EFCAB13: variants seen among roughly 807,000 people sequenced by gnomAD.
EFCAB13 encodes the protein EF-hand calcium binding domain 13.
In EFCAB13, 91 loss-of-function variants were observed where a neutral mutation model predicts 110.2. The ratio of observed to expected loss-of-function variants is 0.83; its 90% CI spans 0.70 to 0.98. The LOEUF (loss-of-function observed/expected upper bound fraction) is 0.98. Among genes scored for constraint, EFCAB13 ranks in the 50% least tolerant of loss-of-function variants. The pLI is 0.00. For synonymous variants in EFCAB13, 323 were observed against 369.9 expected, an observed-to-expected ratio of 0.87 and a Z score of 1.45; for missense variants, 968 against 1,119.4, an observed-to-expected ratio of 0.86 and a Z score of 1.93.
In EFCAB13 at chr17:47,369,347, T is replaced by C. The variant is rs16941932; in HGVS notation, c.806-1090T>C. Among the ~76,000 whole-genome samples the C allele has an allele frequency of 4.6e-5, 7 of 152,332 alleles. No individual in the cohort carries two copies. The East Asian group carries it at 1.2e-3, about 25-fold the overall frequency. ...ATTTATATTTTTCAATTGTGTATTT[T>C]TTTCCAAGGCGAGGAAACCATTGGC... On this transcript the variant is annotated intron_variant, in intron 10 of 24. Transcript: ENST00000331493.
intron 15 of EFCAB13, among the ~76,000 whole-genome samples, chr17:47,393,334 A>G (rs72825692): frequency 0.088 from 13,365 of 152,242 alleles, 846 homozygotes; most frequent in East Asian, 0.35. Context: ...ATCTTGTAAC[A>G]TTTGCATATC....
In EFCAB13 at chr17:47,411,667, T is replaced by C. The variant is rs532960782; in HGVS notation, c.2279-1106T>C. Among the ~76,000 whole-genome samples, 12 of 152,320 alleles carry C rather than the reference T, an allele frequency of 7.9e-5. No individual in the cohort carries two copies. The South Asian group carries it at 2.3e-3, about 29-fold the overall frequency. ...GAATGAATGTAGGTCTAAGATGATA[T>C]TATGGTGTTCTTTCCAAGTGATCTC... On this transcript the variant is annotated intron_variant, in intron 21 of 24. Transcript: ENST00000331493.
At chr17:47,355,219 G>T (rs1259599602) in intron 9 of EFCAB13, among the ~76,000 whole-genome samples, 2 of 152,158 alleles carry the variant, frequency 1.3e-5, no homozygotes, top group Non-Finnish European at 2.9e-5. Context: ...ATCCTTTCTA[G>T]CTTGTAGGGT....
chr17:47,379,620 T>C (rs1265841387), intron 14 of EFCAB13, among the ~76,000 whole-genome samples: 1 of 152,044 alleles, frequency 6.6e-6, no homozygotes, highest in Non-Finnish European at 1.5e-5. Context: ...TCACCTTTGA[T>C]TTAGAACTTT....
At chr17:47,423,911 C>T (rs1439094876) in intron 23 of EFCAB13, among the ~76,000 whole-genome samples, 5 of 151,986 alleles carry the variant, frequency 3.3e-5, no homozygotes, top group Admixed American at 1.3e-4. Context: ...GCTGCTGTTC[C>T]TGGGCGGCCC....
At chr17:47,401,394 A>G (rs2065777874) in intron 17 of EFCAB13, among the ~76,000 whole-genome samples, 1 of 152,218 alleles carries the variant, frequency 6.6e-6, no homozygotes, top group East Asian at 1.9e-4. Flanking sequence ...GTAATCTAGT[A>G]CTTGTGTACT....
At chr17:47,352,115 G>C (rs2065457009) in intron 9 of EFCAB13, among the ~76,000 whole-genome samples, 2 of 151,272 alleles carry the variant, frequency 1.3e-5, no homozygotes, top group South Asian at 2.1e-4. Flanking sequence ...TGTTAGCCAG[G>C]ATGGTCTCGA....
rs545234646 is a variant in EFCAB13 at position 47,438,424 on chromosome 17, C to A, written c.2639-2007C>A. Among the ~76,000 whole-genome samples the A allele has an allele frequency of 2.0e-5, 3 of 152,090 alleles. No homozygotes were observed. The South Asian group carries it at 6.2e-4, about 32-fold the overall frequency. ...TTAGAATTCTCTTCTTCCTCAGGTACACCAACTATTCTTAGATTTGGTTGT... is the reference window on the plus strand; with the variant it reads ...TTAGAATTCTCTTCTTCCTCAGGTAAACCAACTATTCTTAGATTTGGTTGT... On this transcript the variant is annotated intron_variant, in intron 24 of 24. Transcript: ENST00000331493.
At chr17:47,415,896 T>C (rs1221694584) in intron 23 of EFCAB13, among the ~76,000 whole-genome samples, 1 of 152,068 alleles carries the variant, frequency 6.6e-6, no homozygotes, top group Non-Finnish European at 1.5e-5. Flanking sequence ...GTTCGTCTTA[T>C]TCTTTTTGAA....
intron 10 of EFCAB13, among the ~76,000 whole-genome samples, chr17:47,364,901 T>A (rs2065537602): frequency 6.6e-6 from 1 of 152,220 alleles, no homozygotes; most frequent in Non-Finnish European, 1.5e-5. Flanking sequence ...TCTTAGAGTT[T>A]CAACTATATA....
At chr17:47,378,504 G>C (rs1294671283) in intron 13 of EFCAB13, among the ~76,000 whole-genome samples, 1 of 152,166 alleles carries the variant, frequency 6.6e-6, no homozygotes, top group Non-Finnish European at 1.5e-5. Context: ...TTTGGGGAAA[G>C]ACTGATTGGA....
chr17:47,371,181 T>A (rs2065582665), intron 11 of EFCAB13, among the ~76,000 whole-genome samples: 1 of 151,964 alleles, frequency 6.6e-6, no homozygotes, highest in South Asian at 2.1e-4. Flanking sequence ...CAAGATGTTG[T>A]CTCTTCAATC....
Position 47,418,711 on chromosome 17 carries a change from G to A in EFCAB13, c.2494+3792G>A, listed in dbSNP as rs887446702. ...TGTTATTTGAATCCTTAATAAATTA[G>A]AGTTAATTTTTGTATGTGGTGTGAG... On this transcript the variant is annotated intron_variant, in intron 23 of 24. Coordinates refer to ENST00000331493, the MANE Select transcript of EFCAB13 (RefSeq NM_152347.5). Among the ~76,000 whole-genome samples the A allele has an allele frequency of 9.9e-5, 15 of 152,260 alleles. 1 individual carries two copies. Among genetic ancestry groups the A allele is most frequent in the African/African-American group, 3.6e-4 (15 of 41,556 alleles).
intron 24 of EFCAB13, among the ~76,000 whole-genome samples, chr17:47,436,144 T>C (rs1025195901): frequency 6.6e-6 from 1 of 152,200 alleles, no homozygotes; most frequent in African/African-American, 2.4e-5. Flanking sequence ...TGGTGGATTA[T>C]CTTTTTGATA....
chr17:47,421,738 C>A (rs1904726933), intron 23 of EFCAB13, among the ~76,000 whole-genome samples: 2 of 151,492 alleles, frequency 1.3e-5, no homozygotes, highest in Non-Finnish European at 2.9e-5. Flanking sequence ...GGATCTTATA[C>A]TTTTATACCA....
chr17:47,375,067 T>G, intron 12 of EFCAB13, 101 bp downstream of exon 12: 1 of 1,254,518 alleles, frequency 8.0e-7, no homozygotes, highest in Non-Finnish European at 1.1e-6. Flanking sequence ...GTTAACACCC[T>G]GGGTAACCAC....
chr17:47,398,850 A>AAAAT (rs201525435), intron 17 of EFCAB13, among the ~76,000 whole-genome samples: 39 of 152,108 alleles, frequency 2.6e-4, no homozygotes, highest in South Asian at 6.2e-4. Flanking sequence ...ATAATCAATA[A>AAAAT]AAATAAATAA....
chr17:47,384,253 G>A (rs1481726933), intron 14 of EFCAB13, among the ~76,000 whole-genome samples: 1 of 149,482 alleles, frequency 6.7e-6, no homozygotes, highest in Non-Finnish European at 1.5e-5. Flanking sequence ...TGGGTCTCCT[G>A]AATACATTTA....
At chr17:47,393,102 A>T (rs898909979) in intron 15 of EFCAB13, among the ~76,000 whole-genome samples, 2 of 124,496 alleles carry the variant, frequency 1.6e-5, no homozygotes, top group Non-Finnish European at 3.5e-5. Flanking sequence ...TGAGATACTT[A>T]AAAAAAAAAG....
Sources: allele counts gnomAD v4.1 joint callset (sites outside exome capture counted in the v4.1 genomes callset), GRCh38; gene constraint gnomAD v4.1.1; transcripts MANE v1.5; gene names NCBI Gene and HGNC (gene_info 2026-07-23, HGNC 2026-07-21).